NUP210L: variants seen among roughly 807,000 people sequenced by gnomAD.
The protein encoded by NUP210L is nucleoporin 210 like, also known as nuclear pore membrane glycoprotein 210-like.
A neutral mutation model predicts 208.5 loss-of-function variants in NUP210L; 74 were observed. That is an observed-to-expected ratio of 0.35 (90% CI 0.29 to 0.43). The LOEUF (loss-of-function observed/expected upper bound fraction) is 0.43. Among genes scored for constraint, NUP210L ranks in the 20% least tolerant of loss-of-function variants. The pLI is 1.00. For missense variants in NUP210L, 1,843 were observed against 2,289.4 expected (o/e 0.81, Z 3.98); for synonymous variants, 780 against 816.9 (o/e 0.95, Z 0.77).
At chr1:154,097,073 CAAA>C (rs535777361) in intron 14 of NUP210L, among the ~76,000 whole-genome samples, 1 of 146,070 alleles carries the variant, frequency 6.8e-6, no homozygotes, top group Admixed American at 6.9e-5. Flanking sequence ...GACTCTGTCT[CAAA>C]AAAAAAAATT....
intron 35 of NUP210L, among the ~76,000 whole-genome samples, chr1:154,007,663 C>T (rs1456027131): frequency 2.0e-5 from 3 of 151,678 alleles, no homozygotes; most frequent in Non-Finnish European, 4.4e-5. Flanking sequence ...AGCTCCACCT[C>T]CCGGGTTCAC....
At chr1:154,118,941 T>G (rs1013812027) in intron 10 of NUP210L, 133 bp from the exon 11 acceptor site, 2 of 459,688 alleles carry the variant, frequency 4.4e-6, no homozygotes, top group Non-Finnish European at 7.6e-6. Context: ...ATAAAAGAAA[T>G]AAATAAATAT....
chr1:154,089,043 A>T (rs1416349994), intron 16 of NUP210L, among the ~76,000 whole-genome samples: 7 of 152,180 alleles, frequency 4.6e-5, no homozygotes, highest in African/African-American at 1.4e-4. Context: ...TTTGGAAGTT[A>T]TGTAGTCAGA....
At chr1:154,077,409 G>T (rs1655093870) in intron 16 of NUP210L, among the ~76,000 whole-genome samples, 1 of 151,612 alleles carries the variant, frequency 6.6e-6, no homozygotes, top group Admixed American at 6.6e-5. Context: ...AAAATAAAAA[G>T]ACTGCCAGCC....
chr1:154,089,718 G>A (rs1245254125), intron 15 of NUP210L, 124 bp from the exon 16 acceptor site: 1 of 733,374 alleles, frequency 1.4e-6, no homozygotes, highest in African/African-American at 1.8e-5. Context: ...TTATAATCCG[G>A]CAAATCCCTT....
intron 28 of NUP210L, 142 bp downstream of exon 28, chr1:154,029,754 G>C: frequency 1.6e-6 from 1 of 638,112 alleles, no homozygotes; most frequent in Non-Finnish European, 2.6e-6. Context: ...GAATTATAAA[G>C]ATCTAGGAAG....
At chr1:154,134,426 T>C (rs1365335690) in intron 7 of NUP210L, among the ~76,000 whole-genome samples, 1 of 77,256 alleles carries the variant, frequency 1.3e-5, no homozygotes, top group Non-Finnish European at 3.2e-5. Context: ...CGTGTACCTT[T>C]TTTTTTTTTT....
chr1:154,129,434 C>T (rs1273632420), intron 7 of NUP210L, 89 bp from the exon 8 acceptor site: 2 of 830,266 alleles, frequency 2.4e-6, no homozygotes, highest in Non-Finnish European at 4.0e-6. Flanking sequence ...CAAACAAATG[C>T]ACAAATGAAA....
intron 6 of NUP210L, among the ~76,000 whole-genome samples, chr1:154,136,919 CAAAAAAAAAAA>C (rs11374907): frequency 1.9e-4 from 12 of 62,994 alleles, no homozygotes; most frequent in African/African-American, 8.0e-4. Flanking sequence ...GAATCCATCT[CAAAAAAAAAAA>C]AAAAAAAAAA....
intron 15 of NUP210L, among the ~76,000 whole-genome samples, chr1:154,092,378 CT>C (rs1166945485): frequency 1.7e-3 from 227 of 134,610 alleles, no homozygotes; most frequent in African/African-American, 3.5e-3. Flanking sequence ...CGCGCCCGGC[CT>C]TTTTTTTTTT....
chr1:154,054,697 GGTGT>G, intron 24 of NUP210L, 69 bp downstream of exon 24: 3 of 1,039,338 alleles, frequency 2.9e-6, no homozygotes, highest in Non-Finnish European at 4.5e-6. Flanking sequence ...TAGGAAGAGA[GGTGT>G]GTGTGTGTGA....
intron 38 of NUP210L, among the ~76,000 whole-genome samples, chr1:153,994,844 T>A (rs1470671760): frequency 6.6e-6 from 1 of 151,578 alleles, no homozygotes; most frequent in African/African-American, 2.4e-5. Flanking sequence ...AAACCCCGTC[T>A]CTACTAAAAA....
rs558672301 is a variant in NUP210L at position 153,995,200 on chromosome 1, A to C, written c.5387-20T>G. 8 of 1,532,544 alleles carry C rather than the reference A, an allele frequency of 5.2e-6. No individual in the cohort carries two copies. In the African/African-American group the frequency reaches 1.1e-4, roughly 21 times the overall value. The allele number at this position is 1,532,544 out of a possible 1,614,324, so 94.9% of individuals were successfully genotyped here. On this transcript the variant is annotated intron_variant, in intron 37 of 39. Coordinates refer to ENST00000368559, the Ensembl canonical transcript of NUP210L. ...AGTGATCTATACATTGGCCATAACA[A>C]AACAAGATAATAGTTAATAGCAACC...
At chr1:153,995,467 C>T (rs191450878) in intron 37 of NUP210L, among the ~76,000 whole-genome samples, 6 of 152,318 alleles carry the variant, frequency 3.9e-5, no homozygotes, top group South Asian at 2.1e-4. Flanking sequence ...GGCTCAACCG[C>T]GTCTTTTTGA....
chr1:153,993,862 C>T lies in NUP210L; in HGVS notation c.5492-773G>A, dbSNP rs114155853. On this transcript the variant is annotated intron_variant, in intron 38 of 39. Transcript: ENST00000368559. The stretch of plus-strand genomic sequence containing the variant: ...GCAGTGAGCCAAGATTGCACCACTT[C>T]ACACCAGCCTGGGTGACAATGGGAC... Among the ~76,000 whole-genome samples, 1,263 of 152,266 alleles carry T rather than the reference C, an allele frequency of 8.3e-3. 5 individuals are homozygous for T. The highest frequency in any genetic ancestry group is 0.012 in the Non-Finnish European group (825 of 68,024).
intron 27 of NUP210L, 56 bp from the exon 28 acceptor site, chr1:154,030,110 C>T: frequency 8.4e-6 from 10 of 1,195,074 alleles, no homozygotes; most frequent in South Asian, 4.1e-5. Context: ...GGTGTCCTTC[C>T]TTTTTTTTTC....
intron 37 of NUP210L, chr1:153,995,997 T>TA (rs530432726): frequency 4.4e-3 from 1,460 of 334,694 alleles, no homozygotes; most frequent in South Asian, 7.5e-3. Context: ...TGAGGAGACT[T>TA]AAAAAAAAAA....
intron 35 of NUP210L, among the ~76,000 whole-genome samples, chr1:154,007,565 A>G (rs1182979612): frequency 2.0e-5 from 3 of 149,926 alleles, no homozygotes; most frequent in South Asian, 2.1e-4. Context: ...CCTGGCCTAT[A>G]TATTTTTTCT....
chr1:154,090,064 G>A (rs1655823870), intron 15 of NUP210L, among the ~76,000 whole-genome samples: 1 of 151,748 alleles, frequency 6.6e-6, no homozygotes, highest in Admixed American at 6.6e-5. Context: ...GCAACAGAAT[G>A]AGACCCTGTC....
Sources: gnomAD v4.1 joint callset for allele counts (sites outside exome capture counted in the v4.1 genomes callset) on GRCh38, gnomAD v4.1.1 for gene constraint, MANE v1.5 for transcripts, NCBI Gene and HGNC (gene_info 2026-07-23, HGNC 2026-07-21) for gene names.